Variants in TRIM14 observed in about 807,000 individuals in gnomAD.
TRIM14 encodes the protein tripartite motif-containing protein 14.
TRIM14 carries 28 observed loss-of-function variants against 44.5 expected under a neutral mutation model. That is an observed-to-expected ratio of 0.63 (90% CI 0.47 to 0.86). The LOEUF (loss-of-function observed/expected upper bound fraction) is 0.86, where lower values mean the gene tolerates loss of function less well. Among genes scored for constraint, TRIM14 ranks in the 40% least tolerant of loss-of-function variants. The pLI, the probability that TRIM14 is intolerant of heterozygous loss-of-function variation, is 0.00. For synonymous variants in TRIM14, 299 were observed against 269.2 expected, an observed-to-expected ratio of 1.11 and a Z score of -1.08; for missense variants, 607 against 611.1, an observed-to-expected ratio of 0.99 and a Z score of 0.07.
downstream of TRIM14, chr9:98,083,010 C>A (rs1453726841): frequency 1.9e-6 from 3 of 1,614,152 alleles, no homozygotes; most frequent in Admixed American, 1.7e-5. Flanking sequence ...ATGACACCAT[C>A]ATGGAAGAAT....
intron 2 of TRIM14, among the ~76,000 whole-genome samples, chr9:98,108,733 T>G (rs1333175080): frequency 6.7e-6 from 1 of 149,432 alleles, no homozygotes; most frequent in Non-Finnish European, 1.5e-5. Flanking sequence ...ACTGGCAAAC[T>G]GTCATGAAGA....
chr9:98,057,051 C>T, the TRIM14 span: 54 of 1,352,586 alleles, frequency 4.0e-5, no homozygotes, highest in Non-Finnish European at 5.1e-5. Context: ...GGTCCGGCCT[C>T]TTCCCGCCCG....
the TRIM14 span, among the ~76,000 whole-genome samples, chr9:98,038,920 G>C: frequency 4.0e-5 from 6 of 151,770 alleles, no homozygotes. Flanking sequence ...TGTGGTAGCA[G>C]GTGCCTGTAG....
At chr9:98,094,846 G>A in intron 4 of TRIM14, 21 bp downstream of exon 4, 3 of 1,610,806 alleles carry the variant, frequency 1.9e-6, no homozygotes, top group Non-Finnish European at 2.5e-6. Context: ...AGGACACAAA[G>A]TTGGTCACTC....
At chr9:98,080,822 C>G, downstream of TRIM14, 1 of 1,576,598 alleles carries the variant, frequency 6.3e-7, no homozygotes, top group Middle Eastern at 1.7e-4. Flanking sequence ...AAAGGAATAT[C>G]AGAAGCTCTT....
At chr9:98,078,174 TTGG>T in intron 6 of TRIM14, 10 of 1,614,150 alleles carry the variant, frequency 6.2e-6, no homozygotes, top group Non-Finnish European at 8.5e-6. Flanking sequence ...GCTGATGGTG[TTGG>T]TGCTGGATTA....
chr9:98,072,561 C>T (rs1185864626), intron 6 of TRIM14, among the ~76,000 whole-genome samples: 4 of 152,096 alleles, frequency 2.6e-5, no homozygotes, highest in Non-Finnish European at 4.4e-5. Flanking sequence ...CAGGTGCCCG[C>T]TACCATGCCC....
chr9:98,061,077 G>A, the TRIM14 span: 213 of 1,344,544 alleles, frequency 1.6e-4, 2 homozygotes, highest in African/African-American at 2.7e-3. Context: ...CCGGCTTAGG[G>A]CCACCTCCAG....
chr9:98,112,514 G>C (rs2118657083), intron 1 of TRIM14, among the ~76,000 whole-genome samples: 1 of 152,152 alleles, frequency 6.6e-6, no homozygotes, highest in South Asian at 2.1e-4. Context: ...AAATGAGAAG[G>C]AAATGGCAGG....
At chr9:98,094,165 C>T (rs12685502) in intron 4 of TRIM14, among the ~76,000 whole-genome samples, 25,288 of 152,198 alleles carry the variant, frequency 0.17, 2,318 homozygotes, top group Admixed American at 0.22. Context: ...TTGTGCCCTG[C>T]TATGCCTGGC....
intron 5 of TRIM14, among the ~76,000 whole-genome samples, chr9:98,089,228 G>C (rs1002687009): frequency 3.9e-5 from 6 of 151,956 alleles, no homozygotes; most frequent in Non-Finnish European, 7.4e-5. Flanking sequence ...CCGGGCTGGA[G>C]TGCAGTGGTG....
intron 6 of TRIM14, chr9:98,078,236 C>T (rs1440878505): frequency 6.2e-7 from 1 of 1,614,134 alleles, no homozygotes; most frequent in South Asian, 1.1e-5. Flanking sequence ...CAATGGACAC[C>T]ATGAAGCAAG....
chr9:98,047,537 A>G, the TRIM14 span, among the ~76,000 whole-genome samples: 1 of 152,086 alleles, frequency 6.6e-6, no homozygotes, highest in African/African-American at 2.4e-5. Flanking sequence ...AAACCCCAGG[A>G]ATTGGAAGCA....
At chr9:98,046,035 A>C in the TRIM14 span, among the ~76,000 whole-genome samples, 4 of 152,200 alleles carry the variant, frequency 2.6e-5, no homozygotes, top group African/African-American at 9.7e-5. Flanking sequence ...GGTCAGAAAG[A>C]AACTGGTAGT....
chr9:98,066,865 G>A (rs141573930), downstream of TRIM14, among the ~76,000 whole-genome samples: 3 of 152,228 alleles, frequency 2.0e-5, no homozygotes, highest in Non-Finnish European at 4.4e-5. Flanking sequence ...TGACCAGGCT[G>A]ATCTTGAACT....
chr9:98,102,248 G>C (rs1422611854), intron 2 of TRIM14, among the ~76,000 whole-genome samples: 4 of 152,146 alleles, frequency 2.6e-5, no homozygotes, highest in Non-Finnish European at 5.9e-5. Context: ...TCCAGCTCCT[G>C]CCTCTTTGCA....
intron 6 of TRIM14, among the ~76,000 whole-genome samples, chr9:98,073,512 T>C (rs1414152334): frequency 6.6e-6 from 1 of 151,514 alleles, no homozygotes; most frequent in Non-Finnish European, 1.5e-5. Flanking sequence ...GTCAAACTCC[T>C]GACCTCGTGA....
chr9:98,091,286 A>T (rs1825984150), intron 5 of TRIM14, among the ~76,000 whole-genome samples: 1 of 152,182 alleles, frequency 6.6e-6, no homozygotes, highest in Non-Finnish European at 1.5e-5. Flanking sequence ...CAACCTCTAA[A>T]AACAATGATA....
chr9:98,102,007 C>CAAAAAAAAAAA (rs998993291), intron 2 of TRIM14, among the ~76,000 whole-genome samples: 1 of 57,728 alleles, frequency 1.7e-5, no homozygotes. Flanking sequence ...GACTTTGACT[C>CAAAAAAAAAAA]AAAAAAAAAA....
Sources: allele counts gnomAD v4.1 joint callset (sites outside exome capture counted in the v4.1 genomes callset), GRCh38; gene constraint gnomAD v4.1.1; transcripts MANE v1.5; gene names NCBI Gene and HGNC (gene_info 2026-07-23, HGNC 2026-07-21).